Variants in CHM observed in about 807,000 individuals in gnomAD.
CHM encodes rab proteins geranylgeranyltransferase component A 1.
Under a neutral mutation model 49.0 loss-of-function variants are expected in CHM, and 10 were observed. The observed-to-expected ratio is 0.20, with a 90% confidence interval of 0.13 to 0.35. CHM has a LOEUF of 0.35. Among genes scored for constraint, CHM ranks in the 10% least tolerant of loss-of-function variants. CHM has a pLI of 1.00. For synonymous variants in CHM, 184 were observed against 167.5 expected, an observed-to-expected ratio of 1.10 and a Z score of -0.76; for missense variants, 455 against 478.4, an observed-to-expected ratio of 0.95 and a Z score of 0.46.
intron 8 of CHM, among the ~76,000 whole-genome samples, chrX:85,913,313 C>CA (rs1169192160): frequency 0.055 from 443 of 8,032 alleles, 57 homozygotes; most frequent in Middle Eastern, 0.17. Context: ...AAGACTCTGT[C>CA]AAAAAAAAAA....
At chrX:85,928,436 G>A (rs1928219963) in intron 8 of CHM, among the ~76,000 whole-genome samples, 1 of 110,501 alleles carries the variant, frequency 9.0e-6, no homozygotes, top group Non-Finnish European at 1.9e-5. Context: ...CCAGCTACTC[G>A]AGAGGCTGAG....
intron 13 of CHM, among the ~76,000 whole-genome samples, chrX:85,875,494 C>T (rs1216544977): frequency 1.8e-5 from 2 of 111,217 alleles, no homozygotes; most frequent in African/African-American, 6.5e-5. Context: ...AGAAAAGCAA[C>T]TATAGCACAA....
intron 8 of CHM, among the ~76,000 whole-genome samples, chrX:85,928,131 G>A (rs760153737): frequency 2.7e-3 from 302 of 112,312 alleles, no homozygotes; most frequent in Non-Finnish European, 4.7e-3. Context: ...CAGGGTTAGG[G>A]AACCTGTTAA....
chrX:86,022,067 A>T (rs1441325401), intron 2 of CHM, among the ~76,000 whole-genome samples: 2 of 112,035 alleles, frequency 1.8e-5, no homozygotes, highest in Non-Finnish European at 3.8e-5. Context: ...ATGGGTACAC[A>T]GTTTCAGTTC....
intron 8 of CHM, among the ~76,000 whole-genome samples, chrX:85,936,524 G>T (rs1182507061): frequency 8.9e-6 from 1 of 111,792 alleles, no homozygotes; most frequent in Non-Finnish European, 1.9e-5. Flanking sequence ...ACATGACAAA[G>T]TTAGAATCAA....
intron 8 of CHM, among the ~76,000 whole-genome samples, chrX:85,946,785 G>A (rs1478933931): frequency 2.7e-5 from 3 of 111,675 alleles, no homozygotes; most frequent in African/African-American, 9.8e-5. Context: ...CAATACTCCA[G>A]GCCCCAGAAT....
chrX:85,904,217 G>T (rs2148158460), intron 9 of CHM, among the ~76,000 whole-genome samples: 1 of 111,333 alleles, frequency 9.0e-6, no homozygotes, highest in Admixed American at 9.6e-5. Flanking sequence ...GTAAGATTTA[G>T]TTGAGGGCCT....
chrX:85,985,356 C>T (rs1931849703), intron 2 of CHM, among the ~76,000 whole-genome samples: 1 of 112,190 alleles, frequency 8.9e-6, no homozygotes, highest in African/African-American at 3.2e-5. Flanking sequence ...TGGGATGTCC[C>T]AACTGGGACC....
rs770775471 is a variant in CHM, at chrX:86,034,974, G to T, written c.50-7417C>A. On this transcript the variant is annotated intron_variant, in intron 1 of 14. Coordinates refer to ENST00000357749, the MANE Select transcript of CHM (RefSeq NM_000390.4). The stretch of plus-strand genomic sequence containing the variant: ...TGCAGACTTCACCTTGTGAATGAGG[G>T]GATAGTCCCACACTGAGGAGTAACT... 5.0e-4 allele frequency among the ~76,000 whole-genome samples: 55 copies of T among 111,101 alleles called. 1 individual carries two copies. The highest frequency in any genetic ancestry group is 1.7e-3 in the African/African-American group (53 of 30,493).
chrX:85,924,546 G>A (rs1003403590), intron 8 of CHM, among the ~76,000 whole-genome samples: 1 of 111,593 alleles, frequency 9.0e-6, no homozygotes, highest in African/African-American at 3.3e-5. Flanking sequence ...ACAGCAAATT[G>A]TTACCAACCT....
At position 86,022,303 on chromosome X, in the gene CHM, T is replaced by C. The variant is rs376492585; in HGVS notation, c.116+5188A>G. On this transcript the variant is annotated intron_variant, in intron 2 of 14. Transcript: ENST00000357749. ...GACATGACAGATAGAGCTGGGGAAGTAGACTGAACCTGATGAAGAGTCTTA... is the reference window on the plus strand; with the variant it reads ...GACATGACAGATAGAGCTGGGGAAGCAGACTGAACCTGATGAAGAGTCTTA... 2.9e-4 allele frequency among the ~76,000 whole-genome samples: 33 copies of C among 111,961 alleles called. 2 individuals are homozygous for C. In the East Asian group the frequency reaches 4.2e-3, roughly 14 times the overall value.
At chrX:85,977,588 G>A (rs1210241632) in intron 4 of CHM, among the ~76,000 whole-genome samples, 1 of 112,218 alleles carries the variant, frequency 8.9e-6, no homozygotes, top group East Asian at 2.8e-4. Flanking sequence ...TTGTAGTCAA[G>A]TAATATAATA....
chrX:85,899,814 T>C (rs1275368110), intron 11 of CHM, among the ~76,000 whole-genome samples: 1 of 109,211 alleles, frequency 9.2e-6, no homozygotes, highest in Non-Finnish European at 1.9e-5. Flanking sequence ...CATATTACCA[T>C]GTAGATTAAG....
chrX:85,900,705 T>A lies in CHM; in HGVS notation c.1354A>T (p.Ile452Phe), dbSNP rs1926210458. 8.5e-7 allele frequency: 1 copy of A among 1,181,548 alleles called. No individual in the cohort carries two copies. Among genetic ancestry groups the A allele is most frequent in the Admixed American group, 2.2e-5 (1 of 45,718 alleles). ...TCTGTAATCAGCACTGCCCTGGAGA[T>A]CTGCCTGTAATGCACAAAACAGTGA... ...NMCSRVQYRQ[I>F]SRAVLITDRS... The change falls in exon 11 of 15, where the codon ATC becomes TTC. Residue 452 changes from isoleucine to phenylalanine, a missense_variant. Coordinates refer to ENST00000357749, the MANE Select transcript of CHM (RefSeq NM_000390.4).
chrX:86,044,892 TGTATTTTCTAA>T (rs1934595453), intron 1 of CHM, among the ~76,000 whole-genome samples: 1 of 112,049 alleles, frequency 8.9e-6, no homozygotes, highest in African/African-American at 3.2e-5. Flanking sequence ...AGATATTTAC[TGTATTTTCTAA>T]TCAGAAGGAA....
Position 85,873,089 on chromosome X carries a change from G to T in CHM, c.1733C>A (p.Pro578Gln). 8.3e-7 allele frequency: 1 copy of T among 1,208,017 alleles called. No homozygotes were observed. Among genetic ancestry groups the T allele is most frequent in the East Asian group, 3.0e-5 (1 of 33,708 alleles). ...LPSNVYVCSGPDCGLGNDNAV... is the reference protein window; with the variant it reads ...LPSNVYVCSGQDCGLGNDNAV... ...ATTATCATTTCCTAAACCACAATCT[G>T]GGCCAGAGCAGACATAAACGTTGGA... Residue 578 changes from proline (P) to glutamine (Q), a missense_variant, in exon 14 of 15, where the codon CCA becomes CAA. Transcript: ENST00000357749.
At chrX:85,970,844 C>T (rs1458524021) in intron 4 of CHM, 5 of 503,806 alleles carry the variant, frequency 9.9e-6, no homozygotes, top group Non-Finnish European at 9.7e-6. Flanking sequence ...ATCAGGAAAA[C>T]AAAGCTCTGA....
chrX:86,006,194 C>A, intron 2 of CHM, among the ~76,000 whole-genome samples: 1 of 111,531 alleles, frequency 9.0e-6, no homozygotes, highest in Middle Eastern at 4.6e-3. Flanking sequence ...GCAGAAAAGG[C>A]CTTTGACAAA....
At chrX:85,915,769 T>G (rs183136956) in intron 8 of CHM, among the ~76,000 whole-genome samples, 57 of 111,908 alleles carry the variant, frequency 5.1e-4, no homozygotes, top group Non-Finnish European at 6.6e-4. Flanking sequence ...CAAGGAGAAC[T>G]ACAAACCACT....
Sources: allele counts gnomAD v4.1 joint callset (sites outside exome capture counted in the v4.1 genomes callset), GRCh38; gene constraint gnomAD v4.1.1; transcripts MANE v1.5; gene names NCBI Gene and HGNC (gene_info 2026-07-23, HGNC 2026-07-21).